CCDC91: variants seen among roughly 807,000 people sequenced by gnomAD.
CCDC91 encodes the protein coiled-coil domain containing 91, also known as coiled-coil domain-containing protein 91.
A neutral mutation model predicts 63.2 loss-of-function variants in CCDC91; 48 were observed. The observed-to-expected ratio is 0.76, with a 90% CI of 0.60 to 0.97. CCDC91 has a LOEUF of 0.97. Among genes scored for constraint, CCDC91 ranks in the 50% least tolerant of loss-of-function variants. The pLI, the probability that CCDC91 is intolerant of heterozygous loss-of-function variation, is 0.00. For missense variants in CCDC91, 500 were observed against 494.6 expected, an observed-to-expected ratio of 1.01 and a Z score of -0.10; for synonymous variants, 167 against 165.8, an observed-to-expected ratio of 1.01 and a Z score of -0.06.
intron 11 of CCDC91, among the ~76,000 whole-genome samples, chr12:28,472,704 A>C (rs920731984): frequency 7.9e-5 from 12 of 152,304 alleles, no homozygotes; most frequent in Admixed American, 3.9e-4. Context: ...TGAATATATA[A>C]TTTTGATTGA....
At chr12:28,414,646 G>A (rs1178123502) in intron 8 of CCDC91, among the ~76,000 whole-genome samples, 1 of 152,086 alleles carries the variant, frequency 6.6e-6, no homozygotes, top group African/African-American at 2.4e-5. Context: ...ATTCATTTGA[G>A]TATCAGTCAT....
At chr12:28,428,573 C>CAAAAAAAAAAAA (rs1438921507) in intron 8 of CCDC91, among the ~76,000 whole-genome samples, 4 of 65,248 alleles carry the variant, frequency 6.1e-5, no homozygotes, top group African/African-American at 8.4e-5. Context: ...CCGTCTCTCC[C>CAAAAAAAAAAAA]CAAAAAAAAA....
intron 1 of CCDC91, among the ~76,000 whole-genome samples, chr12:28,226,895 G>A (rs1379838902): frequency 6.6e-6 from 1 of 152,000 alleles, no homozygotes; most frequent in Admixed American, 6.6e-5. Context: ...TGGCTGTGGT[G>A]GTTTCTTAAA....
At chr12:28,525,888 T>C (rs190763967) in intron 12 of CCDC91, among the ~76,000 whole-genome samples, 2 of 152,260 alleles carry the variant, frequency 1.3e-5, no homozygotes, top group East Asian at 3.9e-4. Context: ...TTAAAGTTTG[T>C]TTTATGTGAT....
At chr12:28,419,007 A>G (rs1947845540) in intron 8 of CCDC91, among the ~76,000 whole-genome samples, 1 of 152,186 alleles carries the variant, frequency 6.6e-6, no homozygotes, top group African/African-American at 2.4e-5. Flanking sequence ...ATGCTTATGT[A>G]CATTATTTTA....
chr12:28,371,397 C>T (rs896653483), intron 7 of CCDC91, among the ~76,000 whole-genome samples: 3 of 152,166 alleles, frequency 2.0e-5, no homozygotes, highest in African/African-American at 4.8e-5. Flanking sequence ...TTAACAATTT[C>T]ATCCTGAAAC....
intron 11 of CCDC91, among the ~76,000 whole-genome samples, chr12:28,476,569 C>G (rs1409396357): frequency 2.0e-5 from 3 of 151,812 alleles, no homozygotes; most frequent in African/African-American, 7.3e-5. Context: ...ACTAGAGAAG[C>G]AAGAGCAAAC....
At chr12:28,449,528 G>GT (rs1949696582) in intron 8 of CCDC91, among the ~76,000 whole-genome samples, 3 of 152,070 alleles carry the variant, frequency 2.0e-5, no homozygotes, top group Admixed American at 2.0e-4. Context: ...CTTGGTCCAT[G>GT]GTAACTGGTT....
intron 6 of CCDC91, among the ~76,000 whole-genome samples, chr12:28,347,867 C>A (rs1372011244): frequency 6.6e-6 from 1 of 152,120 alleles, no homozygotes; most frequent in African/African-American, 2.4e-5. Flanking sequence ...TGCATCACCC[C>A]CTCTCCCCCA....
At chr12:28,471,069 C>T (rs1315326054) in intron 11 of CCDC91, among the ~76,000 whole-genome samples, 1 of 152,122 alleles carries the variant, frequency 6.6e-6, no homozygotes, top group African/African-American at 2.4e-5. Flanking sequence ...TACTATGTTA[C>T]TATCTCATGA....
chr12:28,224,597 G>C (rs1944156037), intron 1 of CCDC91, among the ~76,000 whole-genome samples: 1 of 152,158 alleles, frequency 6.6e-6, no homozygotes, highest in African/African-American at 2.4e-5. Flanking sequence ...AAGTGGTTAA[G>C]TTTTTGTCAT....
rs1226297600 is a variant in CCDC91, at chr12:28,502,863, G to C, written c.1215+18698G>C. Among the ~76,000 whole-genome samples the C allele has an allele frequency of 5.6e-3, 829 of 146,734 alleles. 5 individuals carry two copies. The highest frequency in any genetic ancestry group is 0.02 in the African/African-American group (783 of 39,968). On this transcript the variant is annotated intron_variant, in intron 12 of 12. Transcript: ENST00000536442. ...TTCCATATTTAATAAATGGTGCTGG[G>C]AAAACTGGCTAGCCATATGTAGAAA...
At chr12:28,395,340 A>G (rs1269108185) in intron 8 of CCDC91, among the ~76,000 whole-genome samples, 2 of 152,174 alleles carry the variant, frequency 1.3e-5, no homozygotes, top group African/African-American at 4.8e-5. Flanking sequence ...ATCAAAGTTA[A>G]CGTTCGACTT....
chr12:28,373,911 C>T (rs1327786264), intron 7 of CCDC91, among the ~76,000 whole-genome samples: 2 of 152,068 alleles, frequency 1.3e-5, no homozygotes, highest in East Asian at 3.9e-4. Context: ...CTTCTCCGTC[C>T]CGCCACCCTA....
intron 6 of CCDC91, among the ~76,000 whole-genome samples, chr12:28,309,254 A>G (rs1050710795): frequency 6.6e-6 from 1 of 152,034 alleles, no homozygotes; most frequent in African/African-American, 2.4e-5. Flanking sequence ...CTTAGGAGAA[A>G]GTACTTTATT....
At chr12:28,392,203 C>T (rs1427720675) in intron 8 of CCDC91, among the ~76,000 whole-genome samples, 3 of 152,032 alleles carry the variant, frequency 2.0e-5, no homozygotes, top group Non-Finnish European at 4.4e-5. Context: ...TACAATTATA[C>T]TGTTTTAGGT....
At chr12:28,366,896 A>G (rs1426569156) in intron 7 of CCDC91, among the ~76,000 whole-genome samples, 1 of 152,030 alleles carries the variant, frequency 6.6e-6, no homozygotes, top group African/African-American at 2.4e-5. Flanking sequence ...CAGAAATAAC[A>G]AGGAGATCCT....
intron 6 of CCDC91, among the ~76,000 whole-genome samples, chr12:28,331,189 G>A (rs1941476678): frequency 6.6e-6 from 1 of 152,208 alleles, no homozygotes; most frequent in East Asian, 1.9e-4. Context: ...TCACCTTGGT[G>A]ATAATAAAAA....
At chr12:28,366,203 C>T (rs1592443775) in intron 7 of CCDC91, among the ~76,000 whole-genome samples, 1 of 151,664 alleles carries the variant, frequency 6.6e-6, no homozygotes, top group Admixed American at 6.6e-5. Flanking sequence ...GAAATAAGTC[C>T]CTGAAAGTAA....
Sources: allele counts gnomAD v4.1 joint callset (sites outside exome capture counted in the v4.1 genomes callset), GRCh38; gene constraint gnomAD v4.1.1; transcripts MANE v1.5; gene names NCBI Gene and HGNC (gene_info 2026-07-23, HGNC 2026-07-21).